Variants in KLHL12 observed in about 807,000 individuals in gnomAD.
KLHL12 encodes kelch like family member 12.
Under a neutral mutation model 60.8 loss-of-function variants are expected in KLHL12, and 17 were observed. The ratio of observed to expected loss-of-function variants is 0.28; its 90% CI spans 0.19 to 0.42. The LOEUF is 0.42. KLHL12 is among the 10% of genes least tolerant of loss of function. The pLI is 1.00. For synonymous variants in KLHL12, 220 were observed against 250.9 expected (o/e 0.88, Z 1.16); for missense variants, 468 against 722.3 (o/e 0.65, Z 4.04).
At position 202,891,137 on chromosome 1, in the gene KLHL12, T is replaced by C. The variant is rs1659663175; in HGVS notation, c.*1396A>G. The C allele has an allele frequency of 6.6e-6, 1 of 152,460 alleles. No homozygotes were observed. The highest frequency in any genetic ancestry group is 6.5e-5 in the Admixed American group (1 of 15,270). The allele number at this position is 152,460 out of a possible 1,614,324, so 9.4% of individuals were successfully genotyped here. On this transcript the variant is annotated 3_prime_UTR_variant, in exon 12 of 12. Transcript: ENST00000367261. The stretch of plus-strand genomic sequence containing the variant: ...TCTCGGCATTTGAGACCGTTGATTT[T>C]TAATATTTTCTTAAAAAAATACAAA...
chr1:202,917,000 G>C (rs1441524260), intron 4 of KLHL12, among the ~76,000 whole-genome samples: 1 of 150,872 alleles, frequency 6.6e-6, no homozygotes, highest in African/African-American at 2.4e-5. Flanking sequence ...TTAAAGAATT[G>C]GACCACTGGA....
At position 202,893,554 on chromosome 1, in the gene KLHL12, G is replaced by A. The variant is rs544175638; in HGVS notation, c.1394-129C>T. ...TGAGGGATATGGAATGGGCCCACACGGGCCTAGAATAATCTAGTCCAGCAC... is the reference window on the plus strand; with the variant it reads ...TGAGGGATATGGAATGGGCCCACACAGGCCTAGAATAATCTAGTCCAGCAC... On this transcript the variant is annotated intron_variant, in intron 10 of 11. Transcript: ENST00000367261. This position sits in a 1 kb window ranked among gnomAD's most constrained non-coding sequence, Gnocchi z 4.1. 8 of 709,480 alleles carry A rather than the reference G, an allele frequency of 1.1e-5. No homozygotes were observed. Among genetic ancestry groups the A allele is most frequent in the Admixed American group, 6.2e-5 (2 of 32,408 alleles). 43.9% of individuals were successfully genotyped at this position (709,480 alleles called of 1,614,324 possible). A position where few individuals can be genotyped will look rare whatever the true frequency, so the allele number is the denominator to read the frequency against.
At position 202,920,196 on chromosome 1, in the gene KLHL12, C is replaced by T. The variant is rs1660642987; in HGVS notation, c.196-288G>A. On this transcript the variant is annotated intron_variant, in intron 2 of 11. Transcript: ENST00000367261. Reference sequence around the variant, plus strand: ...GGGCATGGTGGCACATGCCTGTAGTCCCAGCTACTCAGGAGGCTGAGGCAG... The same window carrying T: ...GGGCATGGTGGCACATGCCTGTAGTTCCAGCTACTCAGGAGGCTGAGGCAG... Among the ~76,000 whole-genome samples the T allele has an allele frequency of 2.6e-5, 4 of 151,766 alleles. No homozygotes were observed. In the South Asian group the frequency reaches 8.3e-4, roughly 32 times the overall value.
chr1:202,927,613 G>A (rs1013563703), upstream of KLHL12, among the ~76,000 whole-genome samples: 1 of 144,870 alleles, frequency 6.9e-6, no homozygotes, highest in African/African-American at 2.6e-5. Context: ...CCAGGCAGCA[G>A]AGGTTGCAGT....
chr1:202,894,779 T>C (rs1659781427), intron 8 of KLHL12, 30 bp from the exon 9 acceptor site: 3 of 1,577,092 alleles, frequency 1.9e-6, no homozygotes, highest in South Asian at 2.2e-5. Context: ...TACAGACTAT[T>C]AGAGAATGAG....
chr1:202,901,974 T>A (rs967905366), intron 6 of KLHL12, among the ~76,000 whole-genome samples: 1 of 152,176 alleles, frequency 6.6e-6, no homozygotes, highest in African/African-American at 2.4e-5. Context: ...TTGAAAAGTA[T>A]TTTCCTTGTG....
intron 6 of KLHL12, among the ~76,000 whole-genome samples, chr1:202,903,159 CAAAAAAAAAAA>C (rs67432749): frequency 3.8e-4 from 20 of 52,018 alleles, no homozygotes; most frequent in Middle Eastern, 0.012. Flanking sequence ...GACCTTGTCT[CAAAAAAAAAAA>C]AAAAAAAAAA....
At chr1:202,904,844 AGCC>A (rs1660133376) in intron 6 of KLHL12, among the ~76,000 whole-genome samples, 3 of 152,244 alleles carry the variant, frequency 2.0e-5, no homozygotes, top group African/African-American at 7.2e-5. Flanking sequence ...AAAAGGAGAC[AGCC>A]ACAAATTAGA....
Position 202,892,460 on chromosome 1 carries a change from G to A in KLHL12, c.*73C>T. On this transcript the variant is annotated 3_prime_UTR_variant, in exon 12 of 12. Coordinates refer to ENST00000367261, the MANE Select transcript of KLHL12 (RefSeq NM_021633.4). The stretch of plus-strand genomic sequence containing the variant: ...CACATAGTGAGAAACAGACATTCTG[G>A]AAAGGATTTTTGATTCTCCCACTAA... 1 of 1,549,534 alleles carries A rather than the reference G, an allele frequency of 6.5e-7. No homozygotes were observed. Among genetic ancestry groups the A allele is most frequent in the Non-Finnish European group, 8.8e-7 (1 of 1,132,618 alleles).
chr1:202,912,542 A>G, intron 4 of KLHL12: 1 of 1,045,690 alleles, frequency 9.6e-7, no homozygotes, highest in Non-Finnish European at 1.5e-6. Context: ...AGGTGGTGGA[A>G]GCTACAGTGA....
chr1:202,911,255 C>G, intron 4 of KLHL12, 52 bp from the exon 5 acceptor site: 1 of 1,588,524 alleles, frequency 6.3e-7, no homozygotes, highest in Non-Finnish European at 8.6e-7. Flanking sequence ...ATTAGCTCAC[C>G]ATCTCAAAAC....
intron 2 of KLHL12, among the ~76,000 whole-genome samples, chr1:202,922,040 G>A (rs10732291): frequency 0.55 from 83,141 of 151,942 alleles, 23,569 homozygotes; most frequent in Non-Finnish European, 0.62. Context: ...AATAATTATG[G>A]TACTGAAATA....
Position 202,919,921 on chromosome 1 carries a change from AAGGT to A in KLHL12, c.196-17_196-14del, listed in dbSNP as rs759590208. On this transcript the variant is annotated splice_polypyrimidine_tract_variant and intron_variant, in intron 2 of 11. Transcript: ENST00000367261. ...CCTTCTCTGAGAGCTGAAAATTCAA[AAGGT>A]ATAAAAGAATGATGGTTATAATTCC... is the stretch of plus-strand genomic sequence containing the variant. 8 of 1,609,168 alleles carry A rather than the reference AAGGT, an allele frequency of 5.0e-6. No homozygotes were observed. The East Asian group carries it at 1.6e-4, about 31-fold the overall frequency.
At chr1:202,906,147 T>A (rs1571525721) in intron 6 of KLHL12, among the ~76,000 whole-genome samples, 1 of 144,900 alleles carries the variant, frequency 6.9e-6, no homozygotes, top group African/African-American at 2.6e-5. Flanking sequence ...AAATAATAAT[T>A]ATTTTTTAAA....
intron 2 of KLHL12, among the ~76,000 whole-genome samples, chr1:202,923,246 G>A (rs1660752764): frequency 6.6e-6 from 1 of 152,170 alleles, no homozygotes; most frequent in South Asian, 2.1e-4. Flanking sequence ...ACAAAAAACA[G>A]GATGCACAAC....
In KLHL12 at chr1:202,907,584, C is replaced by A. The variant is rs1470180404; in HGVS notation, c.832+1426G>T. On this transcript the variant is annotated intron_variant, in intron 6 of 11. Coordinates refer to ENST00000367261, the MANE Select transcript of KLHL12 (RefSeq NM_021633.4). ...CTGCACTCCAGTCTGGGTGACAGAG[C>A]AAGACTCTGTCTTAAAAAAAAAAAA... 2.1e-4 allele frequency among the ~76,000 whole-genome samples: 25 copies of A among 121,870 alleles called. No homozygotes were observed. The Admixed American group carries it at 2.1e-3, about 10-fold the overall frequency. The allele number at this position is 121,870 out of a possible 152,430, so 80.0% of individuals were successfully genotyped here.
Position 202,926,881 on chromosome 1 carries a change from G to A in KLHL12, c.-46+208C>T, listed in dbSNP as rs934294534. On this transcript the variant is annotated intron_variant, in intron 1 of 11. Transcript: ENST00000367261. ...CCAGGCATATGGCCGCCACCGCCAG[G>A]TGGAGGTATCGGAGAGGGGCAGTTC... Among the ~76,000 whole-genome samples the A allele has an allele frequency of 6.6e-5, 10 of 152,344 alleles. No individual in the cohort carries two copies. The South Asian group carries it at 1.4e-3, about 22-fold the overall frequency.
intron 4 of KLHL12, among the ~76,000 whole-genome samples, chr1:202,915,335 T>A (rs1176430685): frequency 6.6e-6 from 1 of 152,190 alleles, no homozygotes; most frequent in Non-Finnish European, 1.5e-5. Flanking sequence ...GTACTATTAT[T>A]TTATTTAATA....
At chr1:202,897,002 C>T (rs1175416658) in intron 6 of KLHL12, 42 bp from the exon 7 acceptor site, 8 of 1,438,094 alleles carry the variant, frequency 5.6e-6, no homozygotes, top group Non-Finnish European at 7.8e-6. Context: ...GTTCAGCATC[C>T]CTGGATGGGT....
Sources: allele counts gnomAD v4.1 joint callset (sites outside exome capture counted in the v4.1 genomes callset), GRCh38; gene constraint gnomAD v4.1.1; non-coding constraint Gnocchi (gnomAD v3.1); transcripts MANE v1.5; gene names NCBI Gene and HGNC (gene_info 2026-07-23, HGNC 2026-07-21).